Variants in NISCH observed in about 807,000 individuals in gnomAD.
NISCH encodes the protein I-1 receptor candidate protein.
Under a neutral mutation model 138.4 loss-of-function variants are expected in NISCH, and 55 were observed. The ratio of observed to expected loss-of-function variants is 0.40; its 90% confidence interval spans 0.32 to 0.50. NISCH has a LOEUF of 0.50. Ranked by LOEUF, NISCH falls within the 20% of genes least tolerant of loss-of-function variation. NISCH has a pLI of 0.71. For synonymous variants in NISCH, 860 were observed against 861.5 expected (o/e 1.00, Z 0.03); for missense variants, 1,643 against 2,005.5 (o/e 0.82, Z 3.45).
chr3:52,491,757 C>A, intron 20 of NISCH, 115 bp from the exon 21 acceptor site: 2 of 1,352,018 alleles, frequency 1.5e-6, no homozygotes, highest in Non-Finnish European at 2.0e-6. Context: ...ACACTTGGAG[C>A]ATCCTCTCCT....
intron 7 of NISCH, chr3:52,476,172 GT>G (rs1231171407): frequency 2.5e-6 from 1 of 395,138 alleles, no homozygotes; most frequent in African/African-American, 2.0e-5. Flanking sequence ...GCATCACCAG[GT>G]CACCAGGGCA....
chr3:52,482,921 A>G (rs553382368), intron 13 of NISCH, among the ~76,000 whole-genome samples: 1 of 152,306 alleles, frequency 6.6e-6, no homozygotes, highest in East Asian at 1.9e-4. Flanking sequence ...GCTTGGAGCC[A>G]TGCGGGAGGA....
chr3:52,490,583 G>T, intron 18 of NISCH, 122 bp from the exon 19 acceptor site: 2 of 1,364,342 alleles, frequency 1.5e-6, no homozygotes, highest in Non-Finnish European at 2.0e-6. Context: ...TTGCCTATGG[G>T]GCTTTGCACG....
In NISCH at chr3:52,477,609, T is replaced by G. The variant is rs964579628; in HGVS notation, c.954T>G (p.Ser318Arg). 13 of 1,614,090 alleles carry G rather than the reference T, an allele frequency of 8.1e-6. No individual in the cohort carries two copies. Among genetic ancestry groups the G allele is most frequent in the Non-Finnish European group, 1.1e-5 (13 of 1,179,962 alleles). ...CAAAGATTGAGTTCCTGGACCTGAG[T>G]CACAATGGATTGCTGGTTGTGGACA... is the stretch of plus-strand genomic sequence containing the variant. ...LIPKIEFLDL[S>R]HNGLLVVDNL... is the part of the protein sequence containing the mutation. The change falls in exon 9 of 21, where the codon AGT (serine) becomes AGG (arginine). Residue 318 changes from serine to arginine, a missense_variant. Transcript: ENST00000345716.
At chr3:52,458,563 C>A in intron 2 of NISCH, 99 bp from the exon 3 acceptor site, 1 of 977,424 alleles carries the variant, frequency 1.0e-6, no homozygotes, top group Non-Finnish European at 1.5e-6. Context: ...AGGGGCTGTG[C>A]AAGTGCTGAC....
intron 3 of NISCH, among the ~76,000 whole-genome samples, chr3:52,467,028 C>G (rs1706800694): frequency 7.8e-6 from 1 of 127,698 alleles, no homozygotes; most frequent in Non-Finnish European, 1.6e-5. Context: ...GAGACAGAGT[C>G]TCACTCTTGT....
chr3:52,472,058 G>T (rs1474969351), intron 5 of NISCH, 81 bp downstream of exon 5: 2 of 1,431,032 alleles, frequency 1.4e-6, no homozygotes. Flanking sequence ...GGCAGTTTGT[G>T]TGAAGGAGAC....
chr3:52,463,404 G>C (rs578055410), intron 3 of NISCH, among the ~76,000 whole-genome samples: 1 of 152,336 alleles, frequency 6.6e-6, no homozygotes, highest in African/African-American at 2.4e-5. Context: ...AAATGATGCT[G>C]CTATGAGCAT....
rs1028015676 is a variant in NISCH at position 52,468,407 on chromosome 3, C to G, written c.361-2452C>G. 2.0e-5 allele frequency among the ~76,000 whole-genome samples: 3 copies of G among 152,192 alleles called. No homozygotes were observed. In the South Asian group the frequency reaches 6.2e-4, roughly 32 times the overall value. On this transcript the variant is annotated intron_variant, in intron 3 of 20. Coordinates refer to ENST00000345716, the MANE Select transcript of NISCH (RefSeq NM_007184.4). ...TGAGGTGGGCAGAGATTGGCAGCCCCTGGGACCTGCTTGGCTCCAGGCGAT... is the reference window on the plus strand; with the variant it reads ...TGAGGTGGGCAGAGATTGGCAGCCCGTGGGACCTGCTTGGCTCCAGGCGAT...
chr3:52,470,842 T>A lies in NISCH; in HGVS notation c.361-17T>A. 2 of 1,613,828 alleles carry A rather than the reference T, an allele frequency of 1.2e-6. No individual in the cohort carries two copies. The highest frequency in any genetic ancestry group is 1.7e-6 in the Non-Finnish European group (2 of 1,179,884). Reference sequence around the variant, plus strand: ...GTCAGGTGGACTTTCTAAGGGCAAATTTTGTGTTCTCTGCAGGAGATAAAT... The same window carrying A: ...GTCAGGTGGACTTTCTAAGGGCAAAATTTGTGTTCTCTGCAGGAGATAAAT... On this transcript the variant is annotated splice_polypyrimidine_tract_variant and intron_variant, in intron 3 of 20. Transcript: ENST00000345716.
At chr3:52,491,206 C>A (rs1002036038) in intron 19 of NISCH, 146 bp from the exon 20 acceptor site, 5 of 1,293,876 alleles carry the variant, frequency 3.9e-6, no homozygotes, top group Non-Finnish European at 5.1e-6. Context: ...TGGCCTCCTC[C>A]CGGGCCCCAT....
At chr3:52,474,038 C>T (rs1008194618) in intron 7 of NISCH, among the ~76,000 whole-genome samples, 3 of 152,162 alleles carry the variant, frequency 2.0e-5, no homozygotes, top group East Asian at 1.9e-4. Context: ...ATAAAAAGTT[C>T]GTGTTGTTAA....
chr3:52,470,983 C>A, intron 4 of NISCH, 76 bp downstream of exon 4: 1 of 1,497,894 alleles, frequency 6.7e-7, no homozygotes, highest in Non-Finnish European at 9.3e-7. Context: ...CACAGGATGG[C>A]ATAGAAGTCA....
chr3:52,480,461 G>C (rs1388393432), intron 13 of NISCH, 166 bp downstream of exon 13: 6 of 1,536,168 alleles, frequency 3.9e-6, no homozygotes, highest in Non-Finnish European at 5.2e-6. Flanking sequence ...ACACATGGCA[G>C]GGGTGCCTGG....
intron 7 of NISCH, 46 bp from the exon 8 acceptor site, chr3:52,476,401 G>A: frequency 6.2e-7 from 1 of 1,604,632 alleles, no homozygotes; most frequent in South Asian, 1.1e-5. Context: ...AGTGAGTGTT[G>A]CGTGAGGGCC....
At chr3:52,457,380 A>G (rs1332668943) in intron 1 of NISCH, among the ~76,000 whole-genome samples, 1 of 152,238 alleles carries the variant, frequency 6.6e-6, no homozygotes, top group Non-Finnish European at 1.5e-5. Context: ...ACTTGCTTCC[A>G]GGAGGTAGTC....
Position 52,472,145 on chromosome 3 carries a change from C to T in NISCH, c.574-158C>T, listed in dbSNP as rs570317227. ...GCTTCTGGCTGTGGGCACCAGGGGG[C>T]GGTCGTGACCCAGTGTCCCGTTAAA... On this transcript the variant is annotated intron_variant, in intron 5 of 20. Transcript: ENST00000345716. Among the ~76,000 whole-genome samples, 22 of 152,240 alleles carry T rather than the reference C, an allele frequency of 1.4e-4. 1 individual carries two copies. In the East Asian group the frequency reaches 3.1e-3, roughly 21 times the overall value.
intron 11 of NISCH, 88 bp downstream of exon 11, chr3:52,478,665 G>C (rs747635971): frequency 1.1e-5 from 14 of 1,266,978 alleles, no homozygotes; most frequent in Non-Finnish European, 1.6e-5. Context: ...TATGTCCATT[G>C]TTCTACCCTT....
At chr3:52,477,476 C>G (rs1158233478) in intron 8 of NISCH, 98 bp from the exon 9 acceptor site, 4 of 973,434 alleles carry the variant, frequency 4.1e-6, no homozygotes, top group Admixed American at 1.8e-5. Flanking sequence ...AGTCCATGGT[C>G]GGGAGGAAGC....
Sources: allele counts gnomAD v4.1 joint callset (sites outside exome capture counted in the v4.1 genomes callset), GRCh38; gene constraint gnomAD v4.1.1; transcripts MANE v1.5; gene names NCBI Gene and HGNC (gene_info 2026-07-23, HGNC 2026-07-21).